HMG20A: variants seen among roughly 807,000 people sequenced by gnomAD.
HMG20A encodes high mobility group protein 20A.
A neutral mutation model predicts 43.9 loss-of-function variants in HMG20A; 17 were observed. That is an observed-to-expected ratio of 0.39 (90% CI 0.27 to 0.58). The LOEUF (loss-of-function observed/expected upper bound fraction) is 0.58, where lower values mean the gene tolerates loss of function less well. Among genes scored for constraint, HMG20A ranks in the 20% least tolerant of loss-of-function variants. The pLI, the probability that HMG20A is intolerant of heterozygous loss-of-function variation, is 0.59. For synonymous variants in HMG20A, 132 were observed against 147.5 expected (o/e 0.89, Z 0.76); for missense variants, 341 against 438.2 (o/e 0.78, Z 1.98).
intron 1 of HMG20A, among the ~76,000 whole-genome samples, chr15:77,440,362 A>G (rs1318395667): frequency 1.3e-5 from 2 of 152,368 alleles, no homozygotes; most frequent in African/African-American, 4.8e-5. Context: ...GTAAATGGAT[A>G]GAAATGTACT....
chr15:77,500,604 T>C, the HMG20A span, among the ~76,000 whole-genome samples: 1 of 151,600 alleles, frequency 6.6e-6, no homozygotes, highest in Non-Finnish European at 1.5e-5. Flanking sequence ...CTTGTGCTCT[T>C]GTCTCCCAGG....
intron 1 of HMG20A, among the ~76,000 whole-genome samples, chr15:77,436,883 T>C (rs1028896647): frequency 2.2e-4 from 33 of 152,226 alleles, no homozygotes; most frequent in Admixed American, 5.9e-4. Context: ...TTTACTCTTA[T>C]ACTTTGGGGA....
chr15:77,470,146 C>T lies in HMG20A; in HGVS notation c.451-764C>T, dbSNP rs72744529. ...AGTTGAGTATCCCCTACATCTGGCT[C>T]TTACGCGGGACAAAGTGTTTAACAT... On this transcript the variant is annotated intron_variant, in intron 4 of 9. Transcript: ENST00000336216. Among the ~76,000 whole-genome samples, 1,474 of 152,264 alleles carry T rather than the reference C, an allele frequency of 9.7e-3. 9 individuals carry two copies. Among genetic ancestry groups the T allele is most frequent in the Non-Finnish European group, 0.014 (933 of 68,020 alleles).
chr15:77,515,387 A>T, the HMG20A span, among the ~76,000 whole-genome samples: 5,883 of 151,106 alleles, frequency 0.039, 326 homozygotes, highest in African/African-American at 0.13. Context: ...GTTTTTTTTA[A>T]AAAAAGTTAT....
chr15:77,422,184 T>C (rs1017972246), intron 1 of HMG20A, among the ~76,000 whole-genome samples: 1 of 152,232 alleles, frequency 6.6e-6, no homozygotes, highest in African/African-American at 2.4e-5. Flanking sequence ...GAAATCTGAA[T>C]GTTAGTAATT....
intron 6 of HMG20A, among the ~76,000 whole-genome samples, chr15:77,477,273 TG>T (rs1033366272): frequency 1.2e-4 from 18 of 152,324 alleles, no homozygotes; most frequent in Non-Finnish European, 2.4e-4. Context: ...GGCTAAGAAA[TG>T]GCTTCAAATT....
chr15:77,455,847 T>C (rs1422376623), intron 1 of HMG20A, among the ~76,000 whole-genome samples: 1 of 152,174 alleles, frequency 6.6e-6, no homozygotes, highest in African/African-American at 2.4e-5. Flanking sequence ...TCATGGACCA[T>C]ATGAAATGCA....
At chr15:77,518,713 A>G in the HMG20A span, among the ~76,000 whole-genome samples, 1 of 152,144 alleles carries the variant, frequency 6.6e-6, no homozygotes, top group African/African-American at 2.4e-5. Flanking sequence ...CTTGGAGTGA[A>G]TAAGGGACTG....
At chr15:77,449,559 A>C (rs779914278) in intron 1 of HMG20A, among the ~76,000 whole-genome samples, 1 of 152,160 alleles carries the variant, frequency 6.6e-6, no homozygotes, top group Non-Finnish European at 1.5e-5. Flanking sequence ...GTTTATTCCC[A>C]AACCTCTTTA....
At chr15:77,451,159 C>T (rs1394033411) in intron 1 of HMG20A, among the ~76,000 whole-genome samples, 2 of 152,202 alleles carry the variant, frequency 1.3e-5, no homozygotes, top group African/African-American at 2.4e-5. Context: ...CAGCCACTCA[C>T]CTACTGAAGG....
the HMG20A span, among the ~76,000 whole-genome samples, chr15:77,494,413 G>A: frequency 4.6e-5 from 7 of 152,200 alleles, no homozygotes; most frequent in African/African-American, 7.2e-5. Flanking sequence ...TTACAGGCAT[G>A]AGTCACCATA....
chr15:77,462,772 C>CTTTT (rs71145836), intron 2 of HMG20A, among the ~76,000 whole-genome samples: 70 of 127,772 alleles, frequency 5.5e-4, no homozygotes, highest in African/African-American at 1.5e-3. Flanking sequence ...TTTTCTTTTT[C>CTTTT]TTTTTTTTTT....
At chr15:77,440,724 A>G (rs1262468105) in intron 1 of HMG20A, among the ~76,000 whole-genome samples, 3 of 152,188 alleles carry the variant, frequency 2.0e-5, no homozygotes, top group Non-Finnish European at 4.4e-5. Flanking sequence ...CAGAAGAATC[A>G]TATGTCACTC....
chr15:77,489,360 A>G (rs2072961187), downstream of HMG20A, among the ~76,000 whole-genome samples: 1 of 152,234 alleles, frequency 6.6e-6, no homozygotes, highest in African/African-American at 2.4e-5. Flanking sequence ...GGGAACAGGT[A>G]GAGAAATGGT....
At chr15:77,443,397 T>G (rs2073637618) in intron 1 of HMG20A, among the ~76,000 whole-genome samples, 1 of 147,814 alleles carries the variant, frequency 6.8e-6, no homozygotes, top group South Asian at 2.1e-4. Flanking sequence ...TTATTATTAT[T>G]ATTATTATTA....
chr15:77,464,124 T>G, intron 2 of HMG20A, 116 bp from the exon 3 acceptor site: 1 of 1,140,704 alleles, frequency 8.8e-7, no homozygotes, highest in Non-Finnish European at 1.3e-6. Context: ...TTATACAGAT[T>G]ATTGGGGGAA....
the HMG20A span, among the ~76,000 whole-genome samples, chr15:77,502,807 A>G: frequency 6.6e-6 from 1 of 152,220 alleles, no homozygotes; most frequent in East Asian, 1.9e-4. Flanking sequence ...GTCTCTACAA[A>G]AAATAAAAAA....
chr15:77,466,799 A>G (rs2072760404), intron 3 of HMG20A, among the ~76,000 whole-genome samples: 1 of 152,216 alleles, frequency 6.6e-6, no homozygotes, highest in African/African-American at 2.4e-5. Context: ...CTGAGTGATC[A>G]TGGCACCTCT....
At chr15:77,447,067 G>A (rs2142305235) in intron 1 of HMG20A, among the ~76,000 whole-genome samples, 1 of 152,124 alleles carries the variant, frequency 6.6e-6, no homozygotes, top group Middle Eastern at 3.4e-3. Context: ...AGGAAATAGG[G>A]GAAGTACTCT....
Sources: gnomAD v4.1 joint callset for allele counts (sites outside exome capture counted in the v4.1 genomes callset) on GRCh38, gnomAD v4.1.1 for gene constraint, MANE v1.5 for transcripts, NCBI Gene and HGNC (gene_info 2026-07-23, HGNC 2026-07-21) for gene names.